The following AQR variants were observed in gnomAD, a reference collection of about 807,000 sequenced individuals.
AQR encodes RNA helicase aquarius.
AQR carries 61 observed loss-of-function variants against 180.5 expected under a neutral mutation model. The observed-to-expected ratio is 0.34, with a 90% CI of 0.28 to 0.42. AQR has a LOEUF of 0.42. AQR is among the 10% of genes least tolerant of loss of function. AQR has a pLI of 1.00. For synonymous variants in AQR, 551 were observed against 588.8 expected (o/e 0.94, Z 0.93); for missense variants, 1,281 against 1,798.3 (o/e 0.71, Z 5.20).
chr15:34,923,805 A>G (rs1004773489), intron 13 of AQR, among the ~76,000 whole-genome samples: 10 of 152,148 alleles, frequency 6.6e-5, no homozygotes, highest in Admixed American at 6.5e-4. Context: ...TCAATACCAT[A>G]ATGTCTTGAT....
chr15:34,953,676 G>T (rs146584067), intron 3 of AQR, among the ~76,000 whole-genome samples: 1 of 152,314 alleles, frequency 6.6e-6, no homozygotes, highest in East Asian at 1.9e-4. Flanking sequence ...TAAGTGGATA[G>T]GCCATCTTGA....
At chr15:34,935,762 A>C (rs1893934845) in intron 9 of AQR, among the ~76,000 whole-genome samples, 1 of 152,234 alleles carries the variant, frequency 6.6e-6, no homozygotes, top group Non-Finnish European at 1.5e-5. Flanking sequence ...GTAAAGCTAG[A>C]ATGGTTGGTT....
intron 12 of AQR, among the ~76,000 whole-genome samples, chr15:34,928,898 G>A (rs1430007294): frequency 2.0e-5 from 3 of 152,074 alleles, no homozygotes; most frequent in Non-Finnish European, 4.4e-5. Context: ...GTGAGAGATG[G>A]TATGGTATCT....
At chr15:34,903,353 AATCAAGGT>A (rs1381187648) in intron 19 of AQR, among the ~76,000 whole-genome samples, 1 of 152,140 alleles carries the variant, frequency 6.6e-6, no homozygotes, top group Non-Finnish European at 1.5e-5. Flanking sequence ...GGGGGTATCA[AATCAAGGT>A]ATACTTCACA....
chr15:34,872,108 A>C (rs1238739798), intron 30 of AQR, among the ~76,000 whole-genome samples: 22 of 152,170 alleles, frequency 1.4e-4, no homozygotes, highest in Non-Finnish European at 2.9e-5. Context: ...AACACTGCCC[A>C]ATTTGGTACT....
At chr15:34,967,811 C>CTT (rs200102998) in intron 1 of AQR, among the ~76,000 whole-genome samples, 4 of 151,280 alleles carry the variant, frequency 2.6e-5, no homozygotes, top group African/African-American at 7.3e-5. Context: ...TTAAAGATTT[C>CTT]TTTTTTTTTG....
rs541544495 is a variant in AQR, at chr15:34,893,308, T to C, written c.2571+355A>G. Among the ~76,000 whole-genome samples, 276 of 152,196 alleles carry C rather than the reference T, an allele frequency of 1.8e-3. 1 individual carries two copies. The highest frequency in any genetic ancestry group is 6.4e-3 in the African/African-American group (264 of 41,534). ...GACCGCACAATATAAACTACCCCGA[T>C]TGGCTAAAACTTAAGCTTTTCTAAA... On this transcript the variant is annotated intron_variant, in intron 23 of 34. Transcript: ENST00000156471.
chr15:34,887,186 G>A (rs1158433661), intron 24 of AQR, among the ~76,000 whole-genome samples: 36 of 151,874 alleles, frequency 2.4e-4, no homozygotes, highest in Non-Finnish European at 1.0e-4. Flanking sequence ...ATCTGCAAGG[G>A]TGTTACTGGT....
intron 15 of AQR, among the ~76,000 whole-genome samples, chr15:34,916,776 A>C (rs529928773): frequency 1.6e-4 from 24 of 152,042 alleles, no homozygotes; most frequent in Admixed American, 1.6e-3. Flanking sequence ...TTGCAAGAAA[A>C]ATAAAGAACA....
In AQR at chr15:34,904,518, A is replaced by T. The variant is rs775785109; in HGVS notation, c.1832-13T>A. On this transcript the variant is annotated splice_polypyrimidine_tract_variant and intron_variant, in intron 18 of 34. Transcript: ENST00000156471. ...CTGGGTTCAGGTCCTGGACAATTTG[A>T]AAAAGTTTGTTAAATAAAATATGTA... The T allele has an allele frequency of 1.3e-6, 2 of 1,585,362 alleles. No homozygotes were observed. The highest frequency in any genetic ancestry group is 1.7e-6 in the Non-Finnish European group (2 of 1,170,882).
chr15:34,858,114 G>A (rs988577146), intron 34 of AQR, among the ~76,000 whole-genome samples: 3 of 151,990 alleles, frequency 2.0e-5, no homozygotes, highest in African/African-American at 7.2e-5. Context: ...CTCCCAAGTA[G>A]CTGGGATTAC....
At chr15:34,932,688 G>A (rs371844979) in intron 10 of AQR, among the ~76,000 whole-genome samples, 1 of 152,126 alleles carries the variant, frequency 6.6e-6, no homozygotes. Context: ...GGCCGGGCGC[G>A]GTGGCTCATG....
chr15:34,908,668 T>G (rs541253756), intron 17 of AQR, among the ~76,000 whole-genome samples: 1 of 152,118 alleles, frequency 6.6e-6, no homozygotes, highest in Non-Finnish European at 1.5e-5. Flanking sequence ...GAGGCTGATG[T>G]TTAAAAGAAA....
intron 23 of AQR, 41 bp from the exon 24 acceptor site, chr15:34,890,365 T>C (rs1893125765): frequency 1.3e-6 from 2 of 1,504,112 alleles, no homozygotes; most frequent in African/African-American, 1.4e-5. Flanking sequence ...CCTTTAAACG[T>C]AGCAAAAACT....
chr15:34,932,252 T>C (rs1480324984), intron 11 of AQR, 66 bp downstream of exon 11: 3 of 1,345,192 alleles, frequency 2.2e-6, no homozygotes, highest in African/African-American at 2.9e-5. Context: ...CTCCCAGTTG[T>C]GTGGCAAAGA....
At chr15:34,952,639 A>T (rs924593351) in intron 4 of AQR, among the ~76,000 whole-genome samples, 1 of 152,262 alleles carries the variant, frequency 6.6e-6, no homozygotes, top group African/African-American at 2.4e-5. Context: ...GTTTGAGTTC[A>T]GAAATTATTC....
At chr15:34,898,894 G>A (rs1417445598) in intron 20 of AQR, among the ~76,000 whole-genome samples, 14 of 144,790 alleles carry the variant, frequency 9.7e-5, no homozygotes, top group African/African-American at 2.6e-5. Context: ...TTGGCCGGGC[G>A]CGGTGGCTCA....
intron 25 of AQR, 97 bp from the exon 26 acceptor site, chr15:34,884,831 A>T: frequency 3.6e-6 from 3 of 833,738 alleles, no homozygotes; most frequent in Non-Finnish European, 5.5e-6. Context: ...TGCTAGGTGA[A>T]AAAGAAAAAA....
chr15:34,863,098 C>CTTT, intron 32 of AQR, 57 bp from the exon 33 acceptor site: 5 of 1,155,052 alleles, frequency 4.3e-6, no homozygotes, highest in African/African-American at 1.6e-5. Flanking sequence ...ATTTAAGCAG[C>CTTT]TTTTTTTTTT....
Sources: allele counts gnomAD v4.1 joint callset (sites outside exome capture counted in the v4.1 genomes callset), GRCh38; gene constraint gnomAD v4.1.1; transcripts MANE v1.5; gene names NCBI Gene and HGNC (gene_info 2026-07-23, HGNC 2026-07-21).